BNC2: variants seen among roughly 807,000 people sequenced by gnomAD.
The protein encoded by BNC2 is basonuclin zinc finger protein 2.
A neutral mutation model predicts 76.3 loss-of-function variants in BNC2; 20 were observed. That is an observed-to-expected ratio of 0.26 (90% CI 0.18 to 0.38). The LOEUF is 0.38. Ranked by LOEUF, BNC2 falls within the 10% of genes least tolerant of loss-of-function variation. The probability of loss-of-function intolerance (pLI) is 1.00; values close to 1 mark genes in which losing one functional copy is unlikely to be tolerated. For synonymous variants in BNC2, 582 were observed against 514.8 expected (o/e 1.13, Z -1.77); for missense variants, 1,382 against 1,399.8 (o/e 0.99, Z 0.20).
intron 2 of BNC2, among the ~76,000 whole-genome samples, chr9:16,731,010 C>T (rs1460549108): frequency 4.6e-5 from 7 of 152,150 alleles, no homozygotes; most frequent in Non-Finnish European, 8.8e-5. Context: ...CCCCAAGATA[C>T]ATGATCTGAA....
chr9:16,722,915 T>C (rs1347545334), intron 3 of BNC2, among the ~76,000 whole-genome samples: 1 of 152,210 alleles, frequency 6.6e-6, no homozygotes, highest in Non-Finnish European at 1.5e-5. Context: ...TATGCTACAA[T>C]TTGTATCTTA....
At chr9:16,743,581 CTG>C (rs1390900423) in intron 1 of BNC2, among the ~76,000 whole-genome samples, 1 of 152,220 alleles carries the variant, frequency 6.6e-6, no homozygotes, top group Non-Finnish European at 1.5e-5. Context: ...TAACCCACAG[CTG>C]TGTGTGCTCC....
At chr9:16,512,321 A>G (rs1387965819) in intron 5 of BNC2, among the ~76,000 whole-genome samples, 1 of 152,220 alleles carries the variant, frequency 6.6e-6, no homozygotes, top group Non-Finnish European at 1.5e-5. Context: ...TTAAAAAGTT[A>G]TTGTTACTGA....
rs1029730137 is a variant in BNC2 at position 16,413,490 on chromosome 9, A to G, written c.*5499T>C. The G allele has an allele frequency of 6.6e-6, 1 of 152,222 alleles. No individual in the cohort carries two copies. The highest frequency in any genetic ancestry group is 2.4e-5 in the African/African-American group (1 of 41,450). The allele number at this position is 152,222 out of a possible 1,614,324, so 9.4% of individuals were successfully genotyped here. A position where few individuals can be genotyped will look rare whatever the true frequency, so the allele number is the denominator to read the frequency against. On this transcript the variant is annotated 3_prime_UTR_variant, in exon 7 of 7. Transcript: ENST00000380672. ...AAATGCCAAAAAGACAGTATGCCGA[A>G]TAACATAGTTATTGCCGAATGAGCA...
intron 3 of BNC2, among the ~76,000 whole-genome samples, chr9:16,671,418 G>A (rs1036032972): frequency 6.6e-6 from 1 of 152,176 alleles, no homozygotes; most frequent in Non-Finnish European, 1.5e-5. Context: ...AACACATCTA[G>A]CCTTTCACAT....
intron 1 of BNC2, among the ~76,000 whole-genome samples, chr9:16,816,678 G>C (rs1264526051): frequency 6.6e-6 from 1 of 152,080 alleles, no homozygotes; most frequent in Non-Finnish European, 1.5e-5. Context: ...AATCTCAAGG[G>C]CAAACAGGAC....
At chr9:16,844,977 A>G (rs934785846) in intron 1 of BNC2, among the ~76,000 whole-genome samples, 1 of 152,194 alleles carries the variant, frequency 6.6e-6, no homozygotes, top group Non-Finnish European at 1.5e-5. Context: ...CAAACAAAAC[A>G]TCGCCCAAGA....
chr9:16,497,999 G>GTGTC (rs1822428262), intron 5 of BNC2, among the ~76,000 whole-genome samples: 1 of 147,072 alleles, frequency 6.8e-6, no homozygotes, highest in Non-Finnish European at 1.5e-5. Context: ...GTGTGTGTGT[G>GTGTC]TGTGTGTGTG....
intron 1 of BNC2, among the ~76,000 whole-genome samples, chr9:16,740,598 T>C (rs775101588): frequency 7.9e-5 from 12 of 152,290 alleles, no homozygotes; most frequent in Non-Finnish European, 1.5e-4. Context: ...AAAACATTCT[T>C]TGGAGAAATT....
At chr9:16,641,119 T>C (rs954112100) in intron 3 of BNC2, among the ~76,000 whole-genome samples, 3 of 152,202 alleles carry the variant, frequency 2.0e-5, no homozygotes, top group Non-Finnish European at 4.4e-5. Flanking sequence ...GAAGGCTTTG[T>C]TCTATGTTGT....
chr9:16,671,804 T>C (rs1045113833), intron 3 of BNC2, among the ~76,000 whole-genome samples: 1 of 152,132 alleles, frequency 6.6e-6, no homozygotes, highest in African/African-American at 2.4e-5. Flanking sequence ...GTTTGACAAG[T>C]ACTGTTCTGA....
intron 5 of BNC2, among the ~76,000 whole-genome samples, chr9:16,450,044 C>T (rs992150637): frequency 2.0e-5 from 3 of 152,096 alleles, no homozygotes; most frequent in Non-Finnish European, 4.4e-5. Context: ...AGACATAAAA[C>T]ACAGAATCTT....
At chr9:16,789,300 G>A (rs946954879) in intron 1 of BNC2, among the ~76,000 whole-genome samples, 1 of 151,844 alleles carries the variant, frequency 6.6e-6, no homozygotes, top group Non-Finnish European at 1.5e-5. Context: ...TTGTCACGGT[G>A]GCCATGGCAC....
intron 3 of BNC2, among the ~76,000 whole-genome samples, chr9:16,664,801 T>C (rs1459426603): frequency 6.6e-6 from 1 of 152,168 alleles, no homozygotes; most frequent in African/African-American, 2.4e-5. Flanking sequence ...AAAACGCTGT[T>C]CTGCTCTGGA....
rs1320446774 is a variant in BNC2, at chr9:16,413,602, CAG to C, written c.*5385_*5386del. 1.3e-5 allele frequency: 2 copies of C among 152,128 alleles called. No individual in the cohort carries two copies. Among genetic ancestry groups the C allele is most frequent in the South Asian group, 2.1e-4 (1 of 4,830 alleles). 9.4% of individuals were successfully genotyped at this position (152,128 alleles called of 1,614,324 possible). On this transcript the variant is annotated 3_prime_UTR_variant, in exon 7 of 7. Coordinates refer to ENST00000380672, the MANE Select transcript of BNC2 (RefSeq NM_017637.6). ...ACGGGTATGTGGGCAACAGTGATGA[CAG>C]ATAACTCACTGGTCAGTTGTACAGC...
At chr9:16,640,280 A>ATC (rs750797593) in intron 3 of BNC2, among the ~76,000 whole-genome samples, 4 of 152,142 alleles carry the variant, frequency 2.6e-5, no homozygotes, top group Admixed American at 6.6e-5. Flanking sequence ...GAGGGTCTCA[A>ATC]TCTCTCTCTC....
chr9:16,583,161 T>C (rs894832712), intron 3 of BNC2, 76 bp from the exon 4 acceptor site: 1 of 1,205,674 alleles, frequency 8.3e-7, no homozygotes, highest in Admixed American at 1.7e-5. Flanking sequence ...TCAATAAATA[T>C]TGCCCACTTC....
chr9:16,532,985 C>A (rs559285988), intron 5 of BNC2, among the ~76,000 whole-genome samples: 1 of 152,288 alleles, frequency 6.6e-6, no homozygotes, highest in Middle Eastern at 3.4e-3. Flanking sequence ...ACCAACACAA[C>A]GCTAGCAATG....
chr9:16,708,726 G>A (rs981536674), intron 3 of BNC2, among the ~76,000 whole-genome samples: 7 of 151,838 alleles, frequency 4.6e-5, no homozygotes, highest in African/African-American at 1.7e-4. Context: ...GTAGGGAAAG[G>A]GAGAGAAAAA....
Sources: allele counts gnomAD v4.1 joint callset (sites outside exome capture counted in the v4.1 genomes callset), GRCh38; gene constraint gnomAD v4.1.1; transcripts MANE v1.5; gene names NCBI Gene and HGNC (gene_info 2026-07-23, HGNC 2026-07-21).